The following CAMLG variants were observed in gnomAD, a reference collection of about 807,000 sequenced individuals.
The protein encoded by CAMLG is guided entry of tail-anchored proteins factor CAMLG.
Under a neutral mutation model 28.9 loss-of-function variants are expected in CAMLG, and 23 were observed. That is an observed-to-expected ratio of 0.80 (90% CI 0.57 to 1.13). The LOEUF (loss-of-function observed/expected upper bound fraction) is 1.13. CAMLG is among the 50% of genes most tolerant of loss of function. The pLI is 0.00. For synonymous variants in CAMLG, 141 were observed against 146.5 expected (o/e 0.96, Z 0.27); for missense variants, 367 against 371.9 (o/e 0.99, Z 0.11).
At chr5:134,749,124 G>C (rs1050024758) in intron 3 of CAMLG, among the ~76,000 whole-genome samples, 3 of 151,118 alleles carry the variant, frequency 2.0e-5, no homozygotes, top group Admixed American at 2.0e-4. Context: ...CTGGAGTGCA[G>C]TGGCACGATC....
chr5:134,738,688 C>A lies in CAMLG; in HGVS notation c.68C>A (p.Ser23Ter), dbSNP rs200925040. 2 of 1,613,914 alleles carry A rather than the reference C, an allele frequency of 1.2e-6. No individual in the cohort carries two copies. Among genetic ancestry groups the A allele is most frequent in the Non-Finnish European group, 1.7e-6 (2 of 1,179,922 alleles). Reference protein sequence around the residue: ...RPGVPAGSGLSASQRRAELRR... With the variant: ...RPGVPAGSGL ...GGGGTCCCAGCGGGCTCAGGTCTGTCGGCTTCCCAGCGTCGGGCGGAGCTG... is the reference window on the plus strand; with the variant it reads ...GGGGTCCCAGCGGGCTCAGGTCTGTAGGCTTCCCAGCGTCGGGCGGAGCTG... The change falls in exon 1 of 4, where the codon TCG becomes TAG. Residue 23 changes from serine to a stop codon, truncating the protein, a stop_gained. Coordinates refer to ENST00000297156, the MANE Select transcript of CAMLG (RefSeq NM_001745.4). LOFTEE classifies it high-confidence loss of function.
At position 134,740,889 on chromosome 5, in the gene CAMLG, T is replaced by TGAG. The variant is rs539596540; in HGVS notation, c.173-173_173-171dup. ...TCCCAAAGTGTTGGGATTACAGGCGTGAGCCACGGCACCTGGCCGAAACCA... is the reference window on the plus strand; with the variant it reads ...TCCCAAAGTGTTGGGATTACAGGCGTGAGGAGCCACGGCACCTGGCCGAAACCA... On this transcript the variant is annotated intron_variant, in intron 1 of 3. Coordinates refer to ENST00000297156, the MANE Select transcript of CAMLG (RefSeq NM_001745.4). Among the ~76,000 whole-genome samples the TGAG allele has an allele frequency of 6.4e-4, 97 of 152,366 alleles. 2 individuals carry two copies. The East Asian group carries it at 0.015, about 24-fold the overall frequency.
rs1482136908 is a variant in CAMLG at position 134,749,404 on chromosome 5, G to A, written c.700-1355G>A. On this transcript the variant is annotated intron_variant, in intron 3 of 3. Transcript: ENST00000297156. The stretch of plus-strand genomic sequence containing the variant: ...TTTATATTTAAAAATATTTTAAACC[G>A]TATGATTGGATTTTGTGATAATAAA... 2.6e-5 allele frequency among the ~76,000 whole-genome samples: 4 copies of A among 152,138 alleles called. No individual in the cohort carries two copies. In the East Asian group the frequency reaches 5.8e-4, roughly 22 times the overall value.
intron 3 of CAMLG, among the ~76,000 whole-genome samples, chr5:134,748,630 C>T (rs758611076): frequency 6.6e-6 from 1 of 152,140 alleles, no homozygotes; most frequent in Non-Finnish European, 1.5e-5. Context: ...CCATTTAATA[C>T]GTTTGTTATC....
rs770280624 is a variant in CAMLG, at chr5:134,744,022, G to A, written c.669G>A (p.Ala223=). ...IFAPFLTLQL[A]YMGLYKYFPK... is the part of the protein sequence containing the mutation. Reference sequence around the variant, plus strand: ...CTCCATTTCTTACTTTACAACTTGCGTACATGGGATTATACAAATATTTTC... The same window carrying A: ...CTCCATTTCTTACTTTACAACTTGCATACATGGGATTATACAAATATTTTC... The change falls in exon 3 of 4, where the codon GCG becomes GCA. Residue 223 remains alanine, a synonymous_variant. Coordinates refer to ENST00000297156, the MANE Select transcript of CAMLG (RefSeq NM_001745.4). 21 of 1,445,184 alleles carry A rather than the reference G, an allele frequency of 1.5e-5. No individual in the cohort carries two copies. In the Middle Eastern group the frequency reaches 5.2e-4, roughly 36 times the overall value. 89.5% of individuals were successfully genotyped at this position (1,445,184 alleles called of 1,614,324 possible). A position where few individuals can be genotyped will look rare whatever the true frequency, so the allele number is the denominator to read the frequency against.
Position 134,741,083 on chromosome 5 carries a change from T to G in CAMLG, c.193T>G (p.Ser65Ala), listed in dbSNP as rs1247777259. Reference sequence around the variant, plus strand: ...CTCAGAAGAAGAAAGTCAAACAAAATCAAAGCAGCAGGACAGTGATAAACT... The same window carrying G: ...CTCAGAAGAAGAAAGTCAAACAAAAGCAAAGCAGCAGGACAGTGATAAACT... ...SGAEEESQTK[S>A]KQQDSDKLNS... is the part of the protein sequence containing the mutation. Residue 65 changes from serine (S) to alanine (A), a missense_variant, in exon 2 of 4, where the codon TCA becomes GCA. Transcript: ENST00000297156. The G allele has an allele frequency of 6.2e-7, 1 of 1,610,938 alleles. No individual in the cohort carries two copies. The highest frequency in any genetic ancestry group is 8.5e-7 in the Non-Finnish European group (1 of 1,177,422).
chr5:134,743,231 C>A (rs763496927), intron 2 of CAMLG, among the ~76,000 whole-genome samples: 3 of 151,976 alleles, frequency 2.0e-5, no homozygotes, highest in Non-Finnish European at 4.4e-5. Context: ...TCTGGGTGAC[C>A]GAGATGTTAC....
Position 134,738,583 on chromosome 5 carries a change from A to G in CAMLG, c.-38A>G. ...CGCCCTCGCAGCGGCGGCCAACATC[A>G]CCGCCACTGCCACCCCTCCCAGACT... On this transcript the variant is annotated 5_prime_UTR_variant, in exon 1 of 4. Coordinates refer to ENST00000297156, the MANE Select transcript of CAMLG (RefSeq NM_001745.4). 6.5e-7 allele frequency: 1 copy of G among 1,532,036 alleles called. No homozygotes were observed. Among genetic ancestry groups the G allele is most frequent in the Non-Finnish European group, 8.8e-7 (1 of 1,137,406 alleles). 94.9% of individuals were successfully genotyped at this position (1,532,036 alleles called of 1,614,324 possible).
At chr5:134,745,968 G>A (rs1452646561) in intron 3 of CAMLG, among the ~76,000 whole-genome samples, 1 of 150,536 alleles carries the variant, frequency 6.6e-6, no homozygotes, top group South Asian at 2.1e-4. Context: ...GAGAAACCCC[G>A]TCTCTACTAC....
At chr5:134,746,567 C>T (rs1267159443) in intron 3 of CAMLG, among the ~76,000 whole-genome samples, 3 of 152,026 alleles carry the variant, frequency 2.0e-5, no homozygotes, top group South Asian at 2.1e-4. Flanking sequence ...CTGCAGCCTC[C>T]GCCTCCTGTG....
Sources: allele counts gnomAD v4.1 joint callset (sites outside exome capture counted in the v4.1 genomes callset), GRCh38; gene constraint gnomAD v4.1.1; transcripts MANE v1.5; gene names NCBI Gene and HGNC (gene_info 2026-07-23, HGNC 2026-07-21).